Variants in MAN2A2 observed in about 807,000 individuals in gnomAD.
MAN2A2 encodes the protein mannosidase alpha class 2A member 2.
A neutral mutation model predicts 126.8 loss-of-function variants in MAN2A2; 79 were observed. The ratio of observed to expected loss-of-function variants is 0.62; its 90% CI spans 0.52 to 0.75. MAN2A2 has a LOEUF of 0.75. Ranked by LOEUF, MAN2A2 falls within the 30% of genes least tolerant of loss-of-function variation. MAN2A2 has a pLI of 0.00. For missense variants in MAN2A2, 1,392 were observed against 1,522.4 expected (o/e 0.91, Z 1.43); for synonymous variants, 671 against 618.7 (o/e 1.08, Z -1.25).
At position 90,911,431 on chromosome 15, in the gene MAN2A2, G is replaced by T. The variant is rs766289452; in HGVS notation, c.1990G>T (p.Val664Leu). 1.9e-5 allele frequency: 31 copies of T among 1,614,250 alleles called. No homozygotes were observed. In the South Asian group the frequency reaches 3.4e-4, roughly 18 times the overall value. Residue 664 changes from valine (V) to leucine (L), a missense_variant, in exon 14 of 23, where the codon GTG becomes TTG. Val to Leu is a conservative substitution (Grantham distance 32). Coordinates refer to ENST00000559717, the MANE Select transcript of MAN2A2 (RefSeq NM_006122.4). ...NPLEQERFSM[V>L]SLLVNSPRVR... Reference sequence around the variant, plus strand: ...ACTGGAACAGGAGCGATTCAGCATGGTGTCCCTGCTGGTCAACTCTCCCCG... The same window carrying T: ...ACTGGAACAGGAGCGATTCAGCATGTTGTCCCTGCTGGTCAACTCTCCCCG...
chr15:90,905,119 C>G (rs2034161485), intron 2 of MAN2A2, 132 bp from the exon 3 acceptor site: 1 of 930,880 alleles, frequency 1.1e-6, no homozygotes, highest in South Asian at 1.5e-5. Flanking sequence ...GTCATCTATC[C>G]CTCTAGGCTC....
chr15:90,906,663 G>T (rs1449829179), intron 6 of MAN2A2, 77 bp from the exon 7 acceptor site: 1 of 1,577,714 alleles, frequency 6.3e-7, no homozygotes, highest in Non-Finnish European at 8.6e-7. Flanking sequence ...AAGAGCTGGG[G>T]TCCCAGCACC....
intron 8 of MAN2A2, among the ~76,000 whole-genome samples, chr15:90,907,821 T>G (rs946639809): frequency 1.3e-5 from 2 of 152,236 alleles, no homozygotes; most frequent in Non-Finnish European, 2.9e-5. Context: ...GTGTTCTGAC[T>G]TGGCTTTAAG....
intron 9 of MAN2A2, 101 bp downstream of exon 9, chr15:90,909,605 CT>C (rs147151470): frequency 0.15 from 124,141 of 830,406 alleles, 410 homozygotes; most frequent in South Asian, 0.18. Context: ...GGGTGCCCCC[CT>C]TTTTTTTTTT....
chr15:90,906,371 C>G lies in MAN2A2; in HGVS notation c.709C>G (p.Leu237Val). 6.2e-7 allele frequency: 1 copy of G among 1,614,092 alleles called. No homozygotes were observed. ...NVQKRAAVRR[L>V]VGNGQLEIAT... ...CTGAGTGTGAGTCCTTAACTATAGGCTGGTGGGAAACGGGCAGCTGGAGAT... is the reference window on the plus strand; with the variant it reads ...CTGAGTGTGAGTCCTTAACTATAGGGTGGTGGGAAACGGGCAGCTGGAGAT... Residue 237 changes from leucine to valine, a missense_variant and splice_region_variant, in exon 6 of 23, where the codon CTG becomes GTG. Transcript: ENST00000559717.
rs753086913 is a variant in MAN2A2, at chr15:90,906,849, C to T, written c.945C>T (p.His315=). The change falls in exon 7 of 23, where the codon CAC becomes CAT. Residue 315 remains histidine, a synonymous_variant. Transcript: ENST00000559717. The part of the protein sequence containing the change: ...NLTSMLIQRV[H]YAIKKHFAAT... ...CCAGCATGCTGATTCAGAGAGTGCACTATGCCATCAAGAAGCACTTTGCTG... is the reference window on the plus strand; with the variant it reads ...CCAGCATGCTGATTCAGAGAGTGCATTATGCCATCAAGAAGCACTTTGCTG... The T allele has an allele frequency of 6.2e-7, 1 of 1,614,110 alleles. No individual in the cohort carries two copies. Among genetic ancestry groups the T allele is most frequent in the Non-Finnish European group, 8.5e-7 (1 of 1,180,002 alleles).
rs557662647 is a variant in MAN2A2 at position 90,907,206 on chromosome 15, GC to G, written c.1010-101del. The G allele has an allele frequency of 5.4e-3, 6,428 of 1,185,280 alleles. 35 individuals are homozygous for G. The highest frequency in any genetic ancestry group is 6.5e-3 in the Non-Finnish European group (5,395 of 824,004). 73.4% of individuals were successfully genotyped at this position (1,185,280 alleles called of 1,614,324 possible). ...CTCTCCAGCCCTAGGTCCAGTTACA[GC>G]CTCGCGGTCTATCAGGGCTGCCTTT... is the stretch of plus-strand genomic sequence containing the variant. On this transcript the variant is annotated intron_variant, in intron 7 of 22. Coordinates refer to ENST00000559717, the MANE Select transcript of MAN2A2 (RefSeq NM_006122.4).
chr15:90,912,928 T>G lies in MAN2A2; in HGVS notation c.2521T>G (p.Phe841Val). 1.2e-6 allele frequency: 2 copies of G among 1,614,118 alleles called. No homozygotes were observed. Among genetic ancestry groups the G allele is most frequent in the South Asian group, 2.2e-5 (2 of 91,080 alleles). ...PVLRVTEGPF[F>V]SEVVAYYEHI... ...GCTGCGTGTCACTGAAGGCCCTTTCTTCTCAGAGGTGGTTGCGTACTATGA... is the reference window on the plus strand; with the variant it reads ...GCTGCGTGTCACTGAAGGCCCTTTCGTCTCAGAGGTGGTTGCGTACTATGA... The change falls in exon 17 of 23, where the codon TTC becomes GTC. Residue 841 changes from phenylalanine to valine, a missense_variant. Phe to Val is a conservative substitution (Grantham distance 50). Transcript: ENST00000559717.
intron 22 of MAN2A2, 36 bp from the exon 23 acceptor site, chr15:90,919,599 C>T (rs767465171): frequency 6.2e-7 from 1 of 1,607,452 alleles, no homozygotes; most frequent in Non-Finnish European, 8.5e-7. Flanking sequence ...TGTCTCGGCA[C>T]CTAGCACAAC....
intron 2 of MAN2A2, among the ~76,000 whole-genome samples, 187 bp downstream of exon 2, chr15:90,904,526 A>C (rs1444415170): frequency 9.7e-6 from 1 of 103,244 alleles, no homozygotes; most frequent in Non-Finnish European, 1.7e-5. Flanking sequence ...TGGCGAAAAG[A>C]AGGAAGGAAG....
Position 90,910,162 on chromosome 15 carries a change from C to T in MAN2A2, c.1447C>T (p.Pro483Ser). Residue 483 changes from proline (P) to serine (S), a missense_variant, in exon 10 of 23, where the codon CCT (proline) becomes TCT (serine). By Grantham distance (74) the Pro-to-Ser change is moderately conservative. Transcript: ENST00000559717. ...KRTGVEPGARPPGFPVLSGDF... is the reference protein window; with the variant it reads ...KRTGVEPGARSPGFPVLSGDF... Reference sequence around the variant, plus strand: ...GACAGGGGTGGAGCCAGGGGCCCGGCCTCCAGGGTTTCCTGTGCTGAGCGG... The same window carrying T: ...GACAGGGGTGGAGCCAGGGGCCCGGTCTCCAGGGTTTCCTGTGCTGAGCGG... The T allele has an allele frequency of 6.2e-7, 1 of 1,614,128 alleles. No homozygotes were observed. The highest frequency in any genetic ancestry group is 8.5e-7 in the Non-Finnish European group (1 of 1,180,018).
Position 90,910,749 on chromosome 15 carries a change from G to T in MAN2A2, c.1760+66G>T, listed in dbSNP as rs375801889. 12 of 1,603,084 alleles carry T rather than the reference G, an allele frequency of 7.5e-6. No homozygotes were observed. The African/African-American group carries it at 1.1e-4, about 14-fold the overall frequency. On this transcript the variant is annotated intron_variant, in intron 11 of 22. Coordinates refer to ENST00000559717, the MANE Select transcript of MAN2A2 (RefSeq NM_006122.4). ...CTGTCCCAAAGAAAGGACATTGGGT[G>T]GTCAGGGGGTAGGCCGGCCTAGGGC...
chr15:90,910,402 G>C, intron 10 of MAN2A2, 99 bp from the exon 11 acceptor site: 1 of 1,569,570 alleles, frequency 6.4e-7, no homozygotes, highest in Non-Finnish European at 8.7e-7. Flanking sequence ...GGCCAGGGCA[G>C]GTAGAGGAGG....
rs200102796 is a variant in MAN2A2, at chr15:90,906,704, T to C, written c.836-36T>C. On this transcript the variant is annotated intron_variant, in intron 6 of 22. Coordinates refer to ENST00000559717, the MANE Select transcript of MAN2A2 (RefSeq NM_006122.4). ...GGCCGGGGGGCCAGCCCCTGAGGTG[T>C]GTTCAGGGCCTCTCTGGCTTCCATG... 9.4e-6 allele frequency: 15 copies of C among 1,604,272 alleles called. No individual in the cohort carries two copies. The African/African-American group carries it at 1.9e-4, about 20-fold the overall frequency.
At position 90,905,897 on chromosome 15, in the gene MAN2A2, C is replaced by T. The variant is rs1249178795; in HGVS notation, c.588C>T (p.Leu196=). The T allele has an allele frequency of 3.1e-6, 5 of 1,600,794 alleles. No homozygotes were observed. The highest frequency in any genetic ancestry group is 4.3e-6 in the Non-Finnish European group (5 of 1,174,004). Reference sequence around the variant, plus strand: ...ACACAGAGCAGACCCAACACATCCTCAATAGCATGGTGTCTAAGCTGCAGG... The same window carrying T: ...ACACAGAGCAGACCCAACACATCCTTAATAGCATGGTGTCTAAGCTGCAGG... ...KYYTEQTQHI[L]NSMVSKLQED... The change falls in exon 5 of 23, where the codon CTC becomes CTT. Residue 196 remains leucine (L), a synonymous_variant. Coordinates refer to ENST00000559717, the MANE Select transcript of MAN2A2 (RefSeq NM_006122.4).
intron 20 of MAN2A2, 63 bp from the exon 21 acceptor site, chr15:90,918,131 G>A: frequency 6.7e-7 from 1 of 1,495,272 alleles, no homozygotes. Flanking sequence ...CTTTTATCCT[G>A]CCTCGTCCTC....
intron 20 of MAN2A2, 155 bp downstream of exon 20, chr15:90,916,411 T>C: frequency 1.7e-6 from 2 of 1,161,644 alleles, no homozygotes; most frequent in Non-Finnish European, 2.4e-6. Flanking sequence ...AGTCTGGCGT[T>C]TTGTGTCCCA....
At chr15:90,913,056 T>C (rs2034889465) in intron 17 of MAN2A2, 65 bp downstream of exon 17, 2 of 1,348,902 alleles carry the variant, frequency 1.5e-6, no homozygotes, top group African/African-American at 1.4e-5. Flanking sequence ...GGCGTATTCT[T>C]CCTTCTGCTG....
At position 90,910,610 on chromosome 15, in the gene MAN2A2, T is replaced by C. The variant is rs75742684; in HGVS notation, c.1687T>C (p.Leu563=). The C allele has an allele frequency of 8.2e-4, 1,316 of 1,614,122 alleles. 8 individuals are homozygous for C. In the African/African-American group the frequency reaches 0.013, roughly 16 times the overall value. ...FTLLTEARRT[L]GLFQHHDAIT... ...CCTCCTGACGGAAGCTCGGCGCACA[T>C]TGGGGCTCTTCCAGCATCACGATGC... Residue 563 remains leucine, a synonymous_variant, in exon 11 of 23, where the codon TTG becomes CTG. Transcript: ENST00000559717.
Sources: allele counts gnomAD v4.1 joint callset (sites outside exome capture counted in the v4.1 genomes callset), GRCh38; gene constraint gnomAD v4.1.1; transcripts MANE v1.5; gene names NCBI Gene and HGNC (gene_info 2026-07-23, HGNC 2026-07-21).